Variants in KDM7A observed in about 807,000 individuals in gnomAD.
KDM7A encodes lysine demethylase 7A.
In KDM7A, 28 loss-of-function variants were observed where a neutral mutation model predicts 114.8. The ratio of observed to expected loss-of-function variants is 0.24; its 90% CI spans 0.18 to 0.33. The LOEUF (loss-of-function observed/expected upper bound fraction) is 0.33. Among genes scored for constraint, KDM7A ranks in the 10% least tolerant of loss-of-function variants. KDM7A has a pLI of 1.00. For synonymous variants in KDM7A, 423 were observed against 397.8 expected (o/e 1.06, Z -0.75); for missense variants, 942 against 1,142.5 (o/e 0.82, Z 2.53).
chr7:140,100,652 T>A (rs1818184681), intron 12 of KDM7A, among the ~76,000 whole-genome samples: 1 of 112,538 alleles, frequency 8.9e-6, no homozygotes. Flanking sequence ...TTAAAATATT[T>A]TAAAAAGTTA....
At chr7:140,128,774 AT>A (rs1443931679) in intron 4 of KDM7A, among the ~76,000 whole-genome samples, 3 of 152,238 alleles carry the variant, frequency 2.0e-5, no homozygotes, top group Non-Finnish European at 2.9e-5. Flanking sequence ...GTCAAAATAG[AT>A]TTGGAATCTA....
chr7:140,154,165 C>T (rs971858511), intron 1 of KDM7A, among the ~76,000 whole-genome samples: 1 of 152,126 alleles, frequency 6.6e-6, no homozygotes, highest in Non-Finnish European at 1.5e-5. Context: ...ACTGGCTCTA[C>T]AGCATTCCCT....
intron 11 of KDM7A, among the ~76,000 whole-genome samples, chr7:140,105,331 T>C (rs1818313267): frequency 6.6e-6 from 1 of 152,188 alleles, no homozygotes; most frequent in African/African-American, 2.4e-5. Flanking sequence ...CTATGTTGAA[T>C]AGGAGTGGTG....
At chr7:140,171,150 A>AACC in intron 1 of KDM7A, among the ~76,000 whole-genome samples, 1 of 152,078 alleles carries the variant, frequency 6.6e-6, no homozygotes, top group African/African-American at 2.4e-5. Flanking sequence ...ACATTCATAC[A>AACC]ACCACCACCC....
chr7:140,108,089 C>T (rs1818369572), intron 11 of KDM7A, among the ~76,000 whole-genome samples: 1 of 152,190 alleles, frequency 6.6e-6, no homozygotes, highest in Non-Finnish European at 1.5e-5. Flanking sequence ...GTGCATGCGT[C>T]ACATAGTTCT....
chr7:140,137,562 C>T (rs553947514), intron 2 of KDM7A, among the ~76,000 whole-genome samples: 72 of 152,176 alleles, frequency 4.7e-4, no homozygotes, highest in Non-Finnish European at 8.2e-4. Context: ...ATCATATACT[C>T]AGTGCTAGCC....
rs1457081653 is a variant in KDM7A at position 140,091,061 on chromosome 7, C to T, written c.*33G>A. ...GGCTCCTGCACCCCTAGACTGGTCT[C>T]CAAAGGGAAGAATGGCTGCAACAGC... On this transcript the variant is annotated 3_prime_UTR_variant, in exon 20 of 20. Transcript: ENST00000397560. The T allele has an allele frequency of 6.5e-7, 1 of 1,541,392 alleles. No individual in the cohort carries two copies. The highest frequency in any genetic ancestry group is 9.0e-7 in the Non-Finnish European group (1 of 1,113,678).
Position 140,097,034 on chromosome 7 carries a change from G to A in KDM7A, c.2030C>T (p.Thr677Ile). 1 of 1,610,628 alleles carries A rather than the reference G, an allele frequency of 6.2e-7. No individual in the cohort carries two copies. The highest frequency in any genetic ancestry group is 8.5e-7 in the Non-Finnish European group (1 of 1,177,860). Reference sequence around the variant, plus strand: ...ACCTGAACTTTCAGACTCTTCAGTGGTAAAGATACTTTTCTGAGATGATAA... The same window carrying A: ...ACCTGAACTTTCAGACTCTTCAGTGATAAAGATACTTTTCTGAGATGATAA... ...PECTALKSIFTTEESESSGDE... is the reference protein window; with the variant it reads ...PECTALKSIFITEESESSGDE... Residue 677 changes from threonine to isoleucine, a missense_variant, in exon 16 of 20, where the codon ACC becomes ATC. Physicochemically the swap from Thr to Ile is moderately conservative, Grantham distance 89 (BLOSUM62 -1). Transcript: ENST00000397560.
chr7:140,109,227 C>T (rs928659203), intron 11 of KDM7A, among the ~76,000 whole-genome samples: 12 of 152,228 alleles, frequency 7.9e-5, no homozygotes, highest in Non-Finnish European at 1.3e-4. Context: ...CTGGGACAGG[C>T]GATGCACCGC....
chr7:140,146,028 C>A (rs981268172), intron 1 of KDM7A, among the ~76,000 whole-genome samples: 4 of 152,136 alleles, frequency 2.6e-5, no homozygotes, highest in Non-Finnish European at 5.9e-5. Context: ...CCCACCTCAC[C>A]CCATATAATC....
intron 1 of KDM7A, among the ~76,000 whole-genome samples, chr7:140,164,007 C>A (rs182008068): frequency 3.0e-4 from 45 of 152,228 alleles, no homozygotes; most frequent in African/African-American, 1.1e-3. Flanking sequence ...TGATCAATGG[C>A]AGCCAGCATG....
rs976690485 is a variant in KDM7A at position 140,176,571 on chromosome 7, A to G, written c.194+173T>C. Among the ~76,000 whole-genome samples the G allele has an allele frequency of 1.3e-4, 19 of 145,698 alleles. No individual in the cohort carries two copies. Among genetic ancestry groups the G allele is most frequent in the African/African-American group, 4.7e-4 (19 of 40,486 alleles). On this transcript the variant is annotated intron_variant, in intron 1 of 19. Coordinates refer to ENST00000397560, the MANE Select transcript of KDM7A (RefSeq NM_030647.2). This position sits in a 1 kb window ranked among gnomAD's most constrained non-coding sequence, Gnocchi z 4.4. The stretch of plus-strand genomic sequence containing the variant: ...GCTCCCCTCTGGAGCCCGCCCGGCG[A>G]ACCCGGGGCACCGCGCGCCCCACTG...
chr7:140,122,941 C>T (rs1376887890), intron 7 of KDM7A, among the ~76,000 whole-genome samples: 1 of 152,104 alleles, frequency 6.6e-6, no homozygotes, highest in Non-Finnish European at 1.5e-5. Context: ...AAAATGGGAG[C>T]AAATTATTTG....
At chr7:140,126,462 TA>T (rs34839940) in intron 6 of KDM7A, among the ~76,000 whole-genome samples, 174 bp downstream of exon 6, 55,552 of 143,438 alleles carry the variant, frequency 0.39, 10,744 homozygotes, top group African/African-American at 0.44. Context: ...TATTTGAGAT[TA>T]AAAAAAAAAA....
intron 10 of KDM7A, among the ~76,000 whole-genome samples, chr7:140,112,070 T>C (rs1818442743): frequency 6.6e-6 from 1 of 152,254 alleles, no homozygotes; most frequent in African/African-American, 2.4e-5. Context: ...TTTGTTTTTA[T>C]CTTGTTAAAC....
intron 12 of KDM7A, among the ~76,000 whole-genome samples, chr7:140,101,730 C>A (rs780248059): frequency 1.2e-4 from 19 of 152,156 alleles, no homozygotes; most frequent in Non-Finnish European, 2.2e-4. Flanking sequence ...ACTCAATAAA[C>A]ATATCAGCAA....
chr7:140,088,325 C>G lies in KDM7A; in HGVS notation c.*2769G>C, dbSNP rs1029609893. On this transcript the variant is annotated 3_prime_UTR_variant, in exon 20 of 20. Coordinates refer to ENST00000397560, the MANE Select transcript of KDM7A (RefSeq NM_030647.2). ...ATTGTAAATTATAATCCAATGGATCCCAGCTGAACAGTCACTTATTTGAAA... is the reference window on the plus strand; with the variant it reads ...ATTGTAAATTATAATCCAATGGATCGCAGCTGAACAGTCACTTATTTGAAA... 5.1e-6 allele frequency: 2 copies of G among 391,102 alleles called. No homozygotes were observed. The highest frequency in any genetic ancestry group is 4.1e-5 in the African/African-American group (2 of 48,404). The allele number at this position is 391,102 out of a possible 1,614,324, so 24.2% of individuals were successfully genotyped here.
At chr7:140,116,391 C>T (rs1818530308) in intron 9 of KDM7A, among the ~76,000 whole-genome samples, 1 of 151,994 alleles carries the variant, frequency 6.6e-6, no homozygotes, top group Non-Finnish European at 1.5e-5. Flanking sequence ...AAGAGAATAC[C>T]AGTATGAATT....
rs1255122933 is a variant in KDM7A at position 140,088,597 on chromosome 7, A to G, written c.*2497T>C. On this transcript the variant is annotated 3_prime_UTR_variant, in exon 20 of 20. Coordinates refer to ENST00000397560, the MANE Select transcript of KDM7A (RefSeq NM_030647.2). ...GGGATGCATTATGGCCAGTAATGTT[A>G]TAAGACGTTTGACCAGGAGTCACTG... The G allele has an allele frequency of 2.5e-6, 1 of 397,920 alleles. No individual in the cohort carries two copies. The highest frequency in any genetic ancestry group is 4.4e-6 in the Non-Finnish European group (1 of 225,514). The allele number at this position is 397,920 out of a possible 1,614,324, so 24.6% of individuals were successfully genotyped here. A position where few individuals can be genotyped will look rare whatever the true frequency, so the allele number is the denominator to read the frequency against.
Sources: allele counts gnomAD v4.1 joint callset (sites outside exome capture counted in the v4.1 genomes callset), GRCh38; gene constraint gnomAD v4.1.1; non-coding constraint Gnocchi (gnomAD v3.1); transcripts MANE v1.5; gene names NCBI Gene and HGNC (gene_info 2026-07-23, HGNC 2026-07-21).